The following MRLN variants were observed in gnomAD, a reference collection of about 807,000 sequenced individuals.
MRLN encodes the protein Linc-RNA activator of myogenesis.
intron 1 of MRLN, among the ~76,000 whole-genome samples, chr10:59,749,216 A>G (rs1273750541): frequency 6.6e-6 from 1 of 152,208 alleles, no homozygotes; most frequent in Non-Finnish European, 1.5e-5. Context: ...AATCTCATAA[A>G]ACTTTATGAG....
At chr10:59,740,162 G>A (rs985938606) in intron 1 of MRLN, among the ~76,000 whole-genome samples, 5 of 151,096 alleles carry the variant, frequency 3.3e-5, no homozygotes, top group Admixed American at 2.0e-4. Context: ...TTGTTATAAT[G>A]TCATAGCACA....
chr10:59,738,363 T>C (rs1840945502), intron 2 of MRLN, 96 bp downstream of exon 2: 2 of 152,090 alleles, frequency 1.3e-5, no homozygotes, highest in Non-Finnish European at 2.9e-5. Context: ...CCTTCAACTC[T>C]CTCCAAATAG....
chr10:59,750,211 A>G (rs980895634), intron 1 of MRLN, among the ~76,000 whole-genome samples: 1 of 151,624 alleles, frequency 6.6e-6, no homozygotes, highest in Non-Finnish European at 1.5e-5. Context: ...AGCTGGGATT[A>G]CAGGCTCCCA....
At chr10:59,744,556 C>T (rs1160191700) in intron 1 of MRLN, among the ~76,000 whole-genome samples, 1 of 151,582 alleles carries the variant, frequency 6.6e-6, no homozygotes, top group Non-Finnish European at 1.5e-5. Context: ...CCCAGCCGCC[C>T]CTACTGGGAA....
At chr10:59,747,160 A>G (rs1841051697) in intron 1 of MRLN, among the ~76,000 whole-genome samples, 1 of 151,966 alleles carries the variant, frequency 6.6e-6, no homozygotes, top group South Asian at 2.1e-4. Context: ...ATTCATATTT[A>G]TTGTTATTTG....
intron 1 of MRLN, among the ~76,000 whole-genome samples, chr10:59,744,614 C>G (rs907079659): frequency 1.5e-4 from 23 of 152,150 alleles, no homozygotes; most frequent in Non-Finnish European, 3.1e-4. Flanking sequence ...GAGGTGTACC[C>G]AACAGCTCAT....
chr10:59,744,811 C>A, intron 1 of MRLN: 1 of 171,800 alleles, frequency 5.8e-6, no homozygotes, highest in Non-Finnish European at 1.2e-5. Flanking sequence ...AACCTTACCC[C>A]CAACTCCGTG....
chr10:59,752,926 A>G (rs139801610), intron 1 of MRLN, among the ~76,000 whole-genome samples: 2 of 152,316 alleles, frequency 1.3e-5, no homozygotes, highest in East Asian at 3.9e-4. Context: ...CTCTTGTCCA[A>G]CTACTCCTCC....
At chr10:59,738,878 T>G (rs1373560287) in intron 1 of MRLN, 1 of 152,108 alleles carries the variant, frequency 6.6e-6, no homozygotes, top group Non-Finnish European at 1.5e-5. Flanking sequence ...TCCCAGCACT[T>G]TGGAAGGCCA....
intron 1 of MRLN, among the ~76,000 whole-genome samples, chr10:59,749,091 T>C (rs1282174254): frequency 6.6e-6 from 1 of 152,216 alleles, no homozygotes; most frequent in East Asian, 1.9e-4. Flanking sequence ...ACAAAGCACC[T>C]GACCTCAGAT....
intron 1 of MRLN, chr10:59,744,840 G>T: frequency 5.5e-6 from 1 of 181,012 alleles, no homozygotes; most frequent in Non-Finnish European, 1.1e-5. Context: ...AACATGTTCT[G>T]TGTCCACTAA....
intron 1 of MRLN, among the ~76,000 whole-genome samples, chr10:59,740,292 A>G (rs1240826962): frequency 6.4e-5 from 1 of 15,746 alleles, no homozygotes; most frequent in Admixed American, 1.1e-3. Flanking sequence ...ATGATAAAAA[A>G]TGACTGTTAA....
At chr10:59,745,513 GTGAACACCTC>G (rs1012597675) in intron 1 of MRLN, among the ~76,000 whole-genome samples, 1 of 107,574 alleles carries the variant, frequency 9.3e-6, no homozygotes, top group South Asian at 2.8e-4. Flanking sequence ...CCCCCACCAT[GTGAACACCTC>G]TGCCTTTCTT....
At chr10:59,744,918 G>C (rs780989312) in intron 1 of MRLN, 2 of 190,108 alleles carry the variant, frequency 1.1e-5, no homozygotes, top group African/African-American at 2.4e-5. Flanking sequence ...CAGCATACTC[G>C]TTAAGAGTCA....
At chr10:59,743,803 T>C (rs1317802039) in intron 1 of MRLN, among the ~76,000 whole-genome samples, 1 of 152,180 alleles carries the variant, frequency 6.6e-6, no homozygotes, top group Non-Finnish European at 1.5e-5. Context: ...TGCCTGGGAT[T>C]GCAGGTGCGC....
intron 1 of MRLN, among the ~76,000 whole-genome samples, chr10:59,749,920 G>C (rs1841081874): frequency 6.6e-6 from 1 of 151,952 alleles, no homozygotes; most frequent in Admixed American, 6.6e-5. Flanking sequence ...GAGCAGCAGG[G>C]TGTTGGCTCG....
chr10:59,746,919 C>G (rs1171591), intron 1 of MRLN, among the ~76,000 whole-genome samples: 1 of 152,162 alleles, frequency 6.6e-6, no homozygotes, highest in Admixed American at 6.5e-5. Context: ...CCTGCCTCAG[C>G]CTCCTGAGTA....
chr10:59,736,960 T>G lies in MRLN; in HGVS notation c.*100A>C, dbSNP rs1331875616. 4 of 379,310 alleles carry G rather than the reference T, an allele frequency of 1.1e-5. No individual in the cohort carries two copies. The highest frequency in any genetic ancestry group is 1.9e-5 in the Non-Finnish European group (4 of 213,166). The allele number at this position is 379,310 out of a possible 1,614,324, so 23.5% of individuals were successfully genotyped here. On this transcript the variant is annotated 3_prime_UTR_variant, in exon 3 of 3. Transcript: ENST00000414264. ...GTGTCCTGTTGGCTTCTAGAATAAA[T>G]TGGCAATGTCATAAAATGTGAGTCA...
At chr10:59,751,573 G>A (rs1301086781) in intron 1 of MRLN, among the ~76,000 whole-genome samples, 1 of 151,348 alleles carries the variant, frequency 6.6e-6, no homozygotes, top group Non-Finnish European at 1.5e-5. Context: ...GGGAGGCTGA[G>A]GTGGAAGAAT....
Sources: gnomAD v4.1 joint callset for allele counts (sites outside exome capture counted in the v4.1 genomes callset) on GRCh38, gnomAD v4.1.1 for gene constraint, MANE v1.5 for transcripts, NCBI Gene and HGNC (gene_info 2026-07-23, HGNC 2026-07-21) for gene names.